CD99L2: variants seen among roughly 807,000 people sequenced by gnomAD.
CD99L2 encodes CD99 antigen-like protein 2.
In CD99L2, 24 loss-of-function variants were observed where a neutral mutation model predicts 27.3. The ratio of observed to expected loss-of-function variants is 0.88; its 90% CI spans 0.64 to 1.24. The LOEUF is 1.24. Ranked by LOEUF, CD99L2 falls within the 50% of genes most tolerant of loss-of-function variation. The pLI is 0.00. For missense variants in CD99L2, 255 were observed against 221.6 expected (o/e 1.15, Z -0.96); for synonymous variants, 97 against 87.9 (o/e 1.10, Z -0.58).
chrX:150,894,102 C>T (rs2047565626), intron 1 of CD99L2, among the ~76,000 whole-genome samples: 1 of 111,632 alleles, frequency 9.0e-6, no homozygotes, highest in Admixed American at 9.5e-5. Flanking sequence ...AGTTCCAGAA[C>T]ATTGTCATCA....
At chrX:150,842,490 T>C (rs782559116) in intron 1 of CD99L2, among the ~76,000 whole-genome samples, 20 of 112,173 alleles carry the variant, frequency 1.8e-4, no homozygotes, top group Non-Finnish European at 3.6e-4. Flanking sequence ...CAATGCCTGA[T>C]TGAAACGTCT....
chrX:150,818,743 G>A lies in CD99L2; in HGVS notation c.131-2665C>T, dbSNP rs191811560. On this transcript the variant is annotated intron_variant, in intron 2 of 10. Coordinates refer to ENST00000370377, the MANE Select transcript of CD99L2 (RefSeq NM_031462.4). ...AGAAGGCTTTGCAGACACTGCCATC[G>A]TCAACCCCGGTCCAGTCCACTGTGT... 231 of 195,516 alleles carry A rather than the reference G, an allele frequency of 1.2e-3. 1 individual carries two copies. The highest frequency in any genetic ancestry group is 6.6e-3 in the African/African-American group (218 of 33,098). The allele number at this position is 195,516 out of a possible 1,213,427, so 16.1% of individuals were successfully genotyped here. A position where few individuals can be genotyped will look rare whatever the true frequency, so the allele number is the denominator to read the frequency against.
At position 150,768,868 on chromosome X, in the gene CD99L2, A is replaced by C; in HGVS notation, c.*166T>G. 9.8e-7 allele frequency: 1 copy of C among 1,018,106 alleles called. No homozygotes were observed. The highest frequency in any genetic ancestry group is 1.2e-6 in the Non-Finnish European group (1 of 803,118). 83.9% of individuals were successfully genotyped at this position (1,018,106 alleles called of 1,213,427 possible). ...AGTCTCAGCACGCTTGGGGCAGGGC[A>C]GAGAAACCAAACTCACAAACACCCA... On this transcript the variant is annotated 3_prime_UTR_variant, in exon 11 of 11. Coordinates refer to ENST00000370377, the MANE Select transcript of CD99L2 (RefSeq NM_031462.4).
chrX:150,828,745 G>T lies in CD99L2; in HGVS notation c.130+2486C>A, dbSNP rs148375792. 2.5e-3 allele frequency: 275 copies of T among 111,468 alleles called. 4 individuals are homozygous for T. Among genetic ancestry groups the T allele is most frequent in the African/African-American group, 8.1e-3 (248 of 30,720 alleles). 9.2% of individuals were successfully genotyped at this position (111,468 alleles called of 1,213,427 possible). On this transcript the variant is annotated intron_variant, in intron 2 of 10. Transcript: ENST00000370377. ...AAAATATTTTTATTGATAAAATTCA[G>T]TGTTGGCGTGGGTCTGGGAAAACAG...
intron 1 of CD99L2, among the ~76,000 whole-genome samples, chrX:150,850,636 T>G (rs2046775667): frequency 8.9e-6 from 1 of 112,141 alleles, no homozygotes; most frequent in Non-Finnish European, 1.9e-5. Context: ...ATCTTATTTG[T>G]GTGAAGGACT....
intron 1 of CD99L2, among the ~76,000 whole-genome samples, chrX:150,882,216 G>A (rs782179120): frequency 8.6e-4 from 96 of 111,447 alleles, no homozygotes; most frequent in African/African-American, 3.0e-3. Context: ...AGGCAGGATG[G>A]CTCCACGTGC....
intron 1 of CD99L2, among the ~76,000 whole-genome samples, chrX:150,838,918 T>A (rs57017206): frequency 0.049 from 1,548 of 31,574 alleles, 25 homozygotes; most frequent in Middle Eastern, 0.17. Flanking sequence ...AAAAAAAAAA[T>A]GGGGGGGGGG....
At chrX:150,832,801 G>A (rs999809604) in intron 1 of CD99L2, among the ~76,000 whole-genome samples, 3 of 111,587 alleles carry the variant, frequency 2.7e-5, no homozygotes, top group East Asian at 5.7e-4. Flanking sequence ...TGTAATCCCA[G>A]CACTTTGGGA....
At chrX:150,836,848 A>G (rs961195611) in intron 1 of CD99L2, among the ~76,000 whole-genome samples, 6 of 111,888 alleles carry the variant, frequency 5.4e-5, no homozygotes, top group Admixed American at 1.9e-4. Context: ...GTAGGCAACT[A>G]TAACACCATG....
At chrX:150,777,552 G>T in intron 7 of CD99L2, 70 bp from the exon 8 acceptor site, 1 of 1,093,738 alleles carries the variant, frequency 9.1e-7, no homozygotes, top group Middle Eastern at 2.6e-4. Context: ...GCCTCCGCGA[G>T]ACGGATGGCA....
intron 10 of CD99L2, 107 bp downstream of exon 10, chrX:150,770,197 T>C (rs1280569116): frequency 1.4e-5 from 11 of 771,751 alleles, no homozygotes; most frequent in South Asian, 4.8e-5. Flanking sequence ...CCGGACATTC[T>C]AGAAGCAGAC....
intron 2 of CD99L2, chrX:150,816,477 C>T (rs1221705876): frequency 3.0e-5 from 5 of 168,627 alleles, no homozygotes; most frequent in Non-Finnish European, 4.5e-5. Context: ...GATAATCCTG[C>T]TCAGGGATAG....
At chrX:150,887,314 C>T (rs888334330) in intron 1 of CD99L2, among the ~76,000 whole-genome samples, 14 of 109,198 alleles carry the variant, frequency 1.3e-4, no homozygotes, top group Admixed American at 7.8e-4. Context: ...GGCATGGTGG[C>T]GCATGCCTGT....
At position 150,768,653 on chromosome X, in the gene CD99L2, G is replaced by T; in HGVS notation, c.*381C>A. 1 of 183,089 alleles carries T rather than the reference G, an allele frequency of 5.5e-6. No homozygotes were observed. Among genetic ancestry groups the T allele is most frequent in the East Asian group, 1.1e-4 (1 of 9,139 alleles). 15.1% of individuals were successfully genotyped at this position (183,089 alleles called of 1,213,427 possible). A position where few individuals can be genotyped will look rare whatever the true frequency, so the allele number is the denominator to read the frequency against. ...ACAATGAGCCACTCCAGTGTGCAGG[G>T]GTCACAGTCCCTTGAGTTCAAACTC... On this transcript the variant is annotated 3_prime_UTR_variant, in exon 11 of 11. Coordinates refer to ENST00000370377, the MANE Select transcript of CD99L2 (RefSeq NM_031462.4).
At chrX:150,799,563 A>G (rs781958127) in intron 4 of CD99L2, among the ~76,000 whole-genome samples, 1 of 110,964 alleles carries the variant, frequency 9.0e-6, no homozygotes, top group African/African-American at 3.3e-5. Context: ...AAATGGGCAA[A>G]GGACTTGAAT....
At chrX:150,845,298 T>C (rs2046685680) in intron 1 of CD99L2, among the ~76,000 whole-genome samples, 1 of 111,937 alleles carries the variant, frequency 8.9e-6, no homozygotes, top group South Asian at 3.7e-4. Flanking sequence ...TGCTAGAGGC[T>C]AAAGGGCATG....
At chrX:150,875,500 A>T (rs2047214729) in intron 1 of CD99L2, among the ~76,000 whole-genome samples, 1 of 111,878 alleles carries the variant, frequency 8.9e-6, no homozygotes, top group Non-Finnish European at 1.9e-5. Flanking sequence ...TTATAAGAGT[A>T]CCTACCTCTC....
chrX:150,852,494 A>G (rs1456928286), intron 1 of CD99L2, among the ~76,000 whole-genome samples: 5 of 110,153 alleles, frequency 4.5e-5, no homozygotes, highest in Non-Finnish European at 7.6e-5. Flanking sequence ...AGCTTTGTTG[A>G]AAGTGTGAAA....
At chrX:150,883,564 T>C (rs1490116600) in intron 1 of CD99L2, among the ~76,000 whole-genome samples, 1 of 111,095 alleles carries the variant, frequency 9.0e-6, no homozygotes, top group Non-Finnish European at 1.9e-5. Flanking sequence ...TGGTAGAAAC[T>C]TTAAGGTAGT....
Sources: allele counts gnomAD v4.1 joint callset (sites outside exome capture counted in the v4.1 genomes callset), GRCh38; gene constraint gnomAD v4.1.1; transcripts MANE v1.5; gene names NCBI Gene and HGNC (gene_info 2026-07-23, HGNC 2026-07-21).